CA10: variants seen among roughly 807,000 people sequenced by gnomAD.
The protein encoded by CA10 is carbonic anhydrase-related protein 10.
Under a neutral mutation model 44.2 loss-of-function variants are expected in CA10, and 14 were observed. The ratio of observed to expected loss-of-function variants is 0.32; its 90% CI spans 0.21 to 0.50. CA10 has a LOEUF of 0.50. CA10 is among the 20% of genes least tolerant of loss of function. The probability of loss-of-function intolerance (pLI) is 0.99; values close to 1 mark genes in which losing one functional copy is unlikely to be tolerated. For missense variants in CA10, 350 were observed against 409.7 expected, an observed-to-expected ratio of 0.85 and a Z score of 1.26; for synonymous variants, 159 against 141.6, an observed-to-expected ratio of 1.12 and a Z score of -0.87.
chr17:51,861,775 A>G (rs925255214), intron 3 of CA10, among the ~76,000 whole-genome samples: 4 of 152,234 alleles, frequency 2.6e-5, no homozygotes, highest in Middle Eastern at 3.2e-3. Flanking sequence ...TCCAGTGTGA[A>G]CAATGAATAC....
intron 2 of CA10, among the ~76,000 whole-genome samples, chr17:52,019,584 G>T (rs1288870033): frequency 6.6e-6 from 1 of 151,920 alleles, no homozygotes; most frequent in Non-Finnish European, 1.5e-5. Flanking sequence ...TTAAATTGAT[G>T]TATACAACAC....
At chr17:52,121,385 T>C (rs1187512217) in intron 1 of CA10, among the ~76,000 whole-genome samples, 1 of 152,026 alleles carries the variant, frequency 6.6e-6, no homozygotes, top group Non-Finnish European at 1.5e-5. Flanking sequence ...AAGACCTAGG[T>C]TGGAAGGGAT....
intron 1 of CA10, among the ~76,000 whole-genome samples, chr17:52,102,546 C>T (rs1398128740): frequency 6.6e-6 from 1 of 152,148 alleles, no homozygotes; most frequent in Non-Finnish European, 1.5e-5. Flanking sequence ...TCAAAAGCTG[C>T]CATCTAACAC....
At chr17:52,026,703 C>A (rs1160233043) in intron 2 of CA10, among the ~76,000 whole-genome samples, 1 of 152,072 alleles carries the variant, frequency 6.6e-6, no homozygotes, top group South Asian at 2.1e-4. Context: ...CTTTATAAAA[C>A]CCTGAGATTT....
intron 1 of CA10, among the ~76,000 whole-genome samples, chr17:52,098,933 G>A (rs906626201): frequency 6.6e-6 from 1 of 152,166 alleles, no homozygotes; most frequent in Non-Finnish European, 1.5e-5. Flanking sequence ...TAGGTACTGA[G>A]ACAAAGTGCT....
intron 3 of CA10, among the ~76,000 whole-genome samples, chr17:51,798,104 CA>C (rs1214321358): frequency 3.9e-5 from 6 of 152,184 alleles, no homozygotes; most frequent in African/African-American, 1.4e-4. Flanking sequence ...CTCCTTCGCA[CA>C]ATGCACATGC....
chr17:51,742,244 C>T (rs933730494), intron 4 of CA10, among the ~76,000 whole-genome samples: 7 of 152,242 alleles, frequency 4.6e-5, no homozygotes, highest in African/African-American at 1.7e-4. Context: ...ATATAAGTAG[C>T]ACTTCCATAT....
At chr17:51,716,856 T>G (rs1162078399) in intron 4 of CA10, among the ~76,000 whole-genome samples, 1 of 152,164 alleles carries the variant, frequency 6.6e-6, no homozygotes, top group Non-Finnish European at 1.5e-5. Flanking sequence ...CCAAGGTTGG[T>G]CAAGGTCATG....
At chr17:52,136,512 T>A in intron 1 of CA10, among the ~76,000 whole-genome samples, 1 of 152,158 alleles carries the variant, frequency 6.6e-6, no homozygotes, top group Admixed American at 6.5e-5. Flanking sequence ...GGCCCCTAGC[T>A]TCACGGTCAA....
intron 3 of CA10, among the ~76,000 whole-genome samples, chr17:51,767,950 T>C (rs982037827): frequency 5.3e-5 from 8 of 151,482 alleles, no homozygotes; most frequent in African/African-American, 1.9e-4. Context: ...GGCCTGGGGG[T>C]TGGGGAGCGC....
intron 3 of CA10, among the ~76,000 whole-genome samples, chr17:51,834,021 C>A (rs1365429113): frequency 1.3e-5 from 2 of 152,204 alleles, no homozygotes; most frequent in African/African-American, 2.4e-5. Flanking sequence ...ATGTAACTTT[C>A]TTTTCCTATT....
chr17:51,744,886 C>G (rs1904619248), intron 4 of CA10, among the ~76,000 whole-genome samples: 1 of 152,170 alleles, frequency 6.6e-6, no homozygotes, highest in South Asian at 2.1e-4. Context: ...GTTTCGGGGA[C>G]TCTGAAATTC....
At chr17:51,998,349 C>T (rs1050536005) in intron 2 of CA10, among the ~76,000 whole-genome samples, 26 of 152,146 alleles carry the variant, frequency 1.7e-4, no homozygotes, top group African/African-American at 6.3e-4. Context: ...GAATGGCCAT[C>T]CAGAAAAGAA....
intron 3 of CA10, among the ~76,000 whole-genome samples, chr17:51,887,843 C>CAAAAAAAAAAAAA (rs59075793): frequency 2.4e-5 from 2 of 83,498 alleles, no homozygotes; most frequent in Admixed American, 1.3e-4. Context: ...ACTAAAAATA[C>CAAAAAAAAAAAAA]AAAAAAAAAA....
intron 2 of CA10, among the ~76,000 whole-genome samples, chr17:52,019,263 G>C (rs528238700): frequency 6.6e-6 from 1 of 152,076 alleles, no homozygotes; most frequent in East Asian, 1.9e-4. Flanking sequence ...AGGGTAAAGA[G>C]TCTCATTGCC....
rs557060104 is a variant in CA10 at position 52,075,939 on chromosome 17, C to T, written c.62-3546G>A. Among the ~76,000 whole-genome samples the T allele has an allele frequency of 1.2e-3, 186 of 152,216 alleles. 5 individuals carry two copies. The South Asian group carries it at 0.023, about 19-fold the overall frequency. On this transcript the variant is annotated intron_variant, in intron 1 of 8. Coordinates refer to ENST00000451037, the MANE Select transcript of CA10 (RefSeq NM_020178.5). ...CCCATTATATGTTCAAATATTTTTTCTACTCTTTCCTGCCATTTGACCATA... is the reference window on the plus strand; with the variant it reads ...CCCATTATATGTTCAAATATTTTTTTTACTCTTTCCTGCCATTTGACCATA...
chr17:51,848,229 T>C (rs1978586426), intron 3 of CA10, among the ~76,000 whole-genome samples: 1 of 152,238 alleles, frequency 6.6e-6, no homozygotes, highest in Non-Finnish European at 1.5e-5. Context: ...ATCCTGGTCT[T>C]AGTCCATTCA....
chr17:52,016,166 C>T (rs79007841), intron 2 of CA10, among the ~76,000 whole-genome samples: 1,618 of 152,198 alleles, frequency 0.011, 29 homozygotes, highest in African/African-American at 0.037. Flanking sequence ...GGATTCAAAG[C>T]AGCTCAGAGC....
intron 4 of CA10, among the ~76,000 whole-genome samples, chr17:51,670,131 G>A (rs763888461): frequency 1.4e-4 from 22 of 152,164 alleles, no homozygotes; most frequent in Admixed American, 3.3e-4. Context: ...GTGGAACTGC[G>A]AGTCAATTAA....
Sources: gnomAD v4.1 joint callset for allele counts (sites outside exome capture counted in the v4.1 genomes callset) on GRCh38, gnomAD v4.1.1 for gene constraint, MANE v1.5 for transcripts, NCBI Gene and HGNC (gene_info 2026-07-23, HGNC 2026-07-21) for gene names.